KCNN3: variants seen among roughly 807,000 people sequenced by gnomAD.
KCNN3 encodes potassium calcium-activated channel subfamily N member 3, also known as small conductance calcium-activated potassium channel protein 3.
A neutral mutation model predicts 62.9 loss-of-function variants in KCNN3; 16 were observed. The ratio of observed to expected loss-of-function variants is 0.25; its 90% CI spans 0.17 to 0.39. The LOEUF is 0.39. Ranked by LOEUF, KCNN3 falls within the 10% of genes least tolerant of loss-of-function variation. The pLI, the probability that KCNN3 is intolerant of heterozygous loss-of-function variation, is 1.00. For synonymous variants in KCNN3, 370 were observed against 389.2 expected (o/e 0.95, Z 0.58); for missense variants, 599 against 949.4 (o/e 0.63, Z 4.85).
At chr1:154,864,502 C>T (rs1652882133) in intron 1 of KCNN3, among the ~76,000 whole-genome samples, 1 of 152,226 alleles carries the variant, frequency 6.6e-6, no homozygotes, top group African/African-American at 2.4e-5. Flanking sequence ...GACTCAGGGA[C>T]CTCTGTGAGG....
intron 3 of KCNN3, among the ~76,000 whole-genome samples, chr1:154,763,479 T>A (rs1648115723): frequency 6.6e-6 from 1 of 152,166 alleles, no homozygotes; most frequent in African/African-American, 2.4e-5. Context: ...TAGGCTCAAG[T>A]GATCCTCCCA....
chr1:154,863,824 G>A (rs1163440806), intron 1 of KCNN3, among the ~76,000 whole-genome samples: 2 of 152,204 alleles, frequency 1.3e-5, no homozygotes, highest in African/African-American at 2.4e-5. Context: ...AATGCCGCCT[G>A]TGGGGAAGGG....
intron 6 of KCNN3, among the ~76,000 whole-genome samples, chr1:154,714,392 GTGTGTGTGGTGTT>G (rs1205539386): frequency 1.1e-4 from 16 of 148,346 alleles, no homozygotes; most frequent in African/African-American, 3.8e-4. Context: ...TGTGGGGTGT[GTGTGTGTGGTGTT>G]TGTGTGTGGT....
At chr1:154,736,899 T>G in intron 3 of KCNN3, 13 of 633,132 alleles carry the variant, frequency 2.1e-5, no homozygotes, top group East Asian at 1.1e-4. Flanking sequence ...GTGAAGATCT[T>G]GAGAGTGTCC....
intron 3 of KCNN3, chr1:154,737,143 A>G: frequency 1.8e-6 from 1 of 560,298 alleles, no homozygotes; most frequent in East Asian, 4.0e-5. Context: ...ACAATTTTAG[A>G]GCGGTTTACA....
intron 3 of KCNN3, among the ~76,000 whole-genome samples, chr1:154,756,359 A>C (rs1050788829): frequency 5.3e-5 from 8 of 152,194 alleles, no homozygotes; most frequent in African/African-American, 1.9e-4. Context: ...AAGAAACAAC[A>C]AGTAAATAAA....
chr1:154,739,539 A>T (rs1268388085), intron 3 of KCNN3, among the ~76,000 whole-genome samples: 1 of 152,218 alleles, frequency 6.6e-6, no homozygotes, highest in African/African-American at 2.4e-5. Flanking sequence ...TCATACCACA[A>T]GAGTATGGTA....
chr1:154,722,544 C>T (rs760975861), intron 5 of KCNN3, among the ~76,000 whole-genome samples: 30 of 151,428 alleles, frequency 2.0e-4, no homozygotes, highest in Non-Finnish European at 1.6e-4. Context: ...CGTGCCACTA[C>T]GCCCGGCTAA....
intron 2 of KCNN3, among the ~76,000 whole-genome samples, chr1:154,815,046 C>T (rs912127946): frequency 6.6e-6 from 1 of 152,218 alleles, no homozygotes; most frequent in Admixed American, 6.5e-5. Context: ...GGTCTCCTCC[C>T]CTTCAGTACG....
intron 2 of KCNN3, among the ~76,000 whole-genome samples, chr1:154,815,275 G>A (rs1056752505): frequency 6.6e-6 from 1 of 152,218 alleles, no homozygotes; most frequent in Non-Finnish European, 1.5e-5. Flanking sequence ...CTACCTGGGG[G>A]GTTTGGGCAG....
intron 2 of KCNN3, among the ~76,000 whole-genome samples, chr1:154,795,305 C>T (rs1034309817): frequency 7.9e-5 from 12 of 152,184 alleles, no homozygotes; most frequent in African/African-American, 2.9e-4. Flanking sequence ...AGAATCTGGT[C>T]ACCCATTGGT....
intron 3 of KCNN3, among the ~76,000 whole-genome samples, chr1:154,744,947 C>A (rs1027958219): frequency 7.0e-6 from 1 of 143,698 alleles, no homozygotes; most frequent in African/African-American, 2.6e-5. Flanking sequence ...AAAAATAGTT[C>A]GTTCTTTTCT....
At chr1:154,807,720 C>T (rs997006528) in intron 2 of KCNN3, among the ~76,000 whole-genome samples, 2 of 152,162 alleles carry the variant, frequency 1.3e-5, no homozygotes, top group Non-Finnish European at 1.5e-5. Context: ...CAGTGTCGCT[C>T]CTGCTAAACA....
chr1:154,818,548 C>T (rs779230688), intron 2 of KCNN3, among the ~76,000 whole-genome samples: 2 of 152,170 alleles, frequency 1.3e-5, no homozygotes, highest in Non-Finnish European at 2.9e-5. Flanking sequence ...ATGAGGGCTC[C>T]TCCCTTGTGA....
intron 2 of KCNN3, among the ~76,000 whole-genome samples, chr1:154,802,622 A>G (rs1288090600): frequency 6.6e-6 from 1 of 152,242 alleles, no homozygotes; most frequent in Non-Finnish European, 1.5e-5. Flanking sequence ...AGGAAGACCA[A>G]CAGCTGCAGA....
chr1:154,804,571 A>C (rs1030557040), intron 2 of KCNN3, among the ~76,000 whole-genome samples: 1 of 152,318 alleles, frequency 6.6e-6, no homozygotes, highest in South Asian at 2.1e-4. Flanking sequence ...ATTTGAAGGC[A>C]GAGAACACAT....
At position 154,705,718 on chromosome 1, in the gene KCNN3, C is replaced by G. The variant is rs989263722; in HGVS notation, c.*2258G>C. 3.9e-5 allele frequency: 6 copies of G among 152,162 alleles called. No individual in the cohort carries two copies. Among genetic ancestry groups the G allele is most frequent in the African/African-American group, 1.4e-4 (6 of 41,422 alleles). 9.4% of individuals were successfully genotyped at this position (152,162 alleles called of 1,614,324 possible). ...CTAAATCTCTATATGTGCACACACCCACACTCACACCCACACGCACACATA... is the reference window on the plus strand; with the variant it reads ...CTAAATCTCTATATGTGCACACACCGACACTCACACCCACACGCACACATA... On this transcript the variant is annotated 3_prime_UTR_variant, in exon 8 of 8. Transcript: ENST00000271915.
At chr1:154,776,778 C>T (rs76078759) in intron 2 of KCNN3, among the ~76,000 whole-genome samples, 4,081 of 152,256 alleles carry the variant, frequency 0.027, 181 homozygotes, top group African/African-American at 0.093. Flanking sequence ...AACCTACTTG[C>T]GTCGCACATT....
intron 2 of KCNN3, among the ~76,000 whole-genome samples, chr1:154,794,052 G>A (rs2101866068): frequency 6.6e-6 from 1 of 152,278 alleles, no homozygotes; most frequent in Admixed American, 6.5e-5. Flanking sequence ...CCTCTTCCCA[G>A]GACCACCAAG....
Sources: allele counts gnomAD v4.1 joint callset (sites outside exome capture counted in the v4.1 genomes callset), GRCh38; gene constraint gnomAD v4.1.1; transcripts MANE v1.5; gene names NCBI Gene and HGNC (gene_info 2026-07-23, HGNC 2026-07-21).